DNM3: variants seen among roughly 807,000 people sequenced by gnomAD.
DNM3 encodes dynamin 3, also known as dynamin-3.
DNM3 carries 47 observed loss-of-function variants against 101.6 expected under a neutral mutation model. That is an observed-to-expected ratio of 0.46 (90% CI 0.37 to 0.59). DNM3 has a LOEUF of 0.59. Ranked by LOEUF, DNM3 falls within the 20% of genes least tolerant of loss-of-function variation. The pLI is 0.00. For missense variants in DNM3, 849 were observed against 1,085.7 expected (o/e 0.78, Z 3.06); for synonymous variants, 385 against 387.9 (o/e 0.99, Z 0.09).
At chr1:171,921,618 C>A in intron 1 of DNM3, 130 bp from the exon 2 acceptor site, 1 of 702,078 alleles carries the variant, frequency 1.4e-6, no homozygotes, top group Admixed American at 2.4e-5. Context: ...TAAGATGGGC[C>A]TATCATTGTT....
chr1:172,253,541 T>TCTCCA, intron 14 of DNM3, 32 bp from the exon 15 acceptor site: 1 of 1,085,322 alleles, frequency 9.2e-7, no homozygotes. Flanking sequence ...TCTCCTCTCC[T>TCTCCA]CTCCCTCTTT....
intron 1 of DNM3, among the ~76,000 whole-genome samples, chr1:171,895,245 T>A (rs1171686632): frequency 2.6e-5 from 4 of 152,220 alleles, no homozygotes; most frequent in African/African-American, 9.6e-5. Context: ...TAATGTACAC[T>A]CCCACCAACA....
chr1:172,271,571 T>C lies in DNM3; in HGVS notation c.1769+17889T>C, dbSNP rs570890963. Among the ~76,000 whole-genome samples the C allele has an allele frequency of 6.6e-5, 10 of 152,244 alleles. No individual in the cohort carries two copies. In the East Asian group the frequency reaches 1.9e-3, roughly 29 times the overall value. On this transcript the variant is annotated intron_variant, in intron 15 of 20. Coordinates refer to ENST00000627582, the MANE Select transcript of DNM3 (RefSeq NM_015569.5). ...TGATGAAAACCTGGCCTCACACAGA[T>C]GTGTAGAAAATGGAAGAGTATTTTA... is the stretch of plus-strand genomic sequence containing the variant.
At chr1:171,965,840 A>T (rs12072055) in intron 2 of DNM3, among the ~76,000 whole-genome samples, 1,758 of 152,250 alleles carry the variant, frequency 0.012, 35 homozygotes, top group African/African-American at 0.039. Flanking sequence ...CCTGGAGATT[A>T]GGGGGTAGGA....
intron 4 of DNM3, among the ~76,000 whole-genome samples, chr1:172,023,492 A>C (rs1458690858): frequency 6.6e-6 from 1 of 152,104 alleles, no homozygotes; most frequent in Admixed American, 6.5e-5. Flanking sequence ...ATTGTTTTTT[A>C]GTTTCCAGTT....
chr1:172,124,310 G>A (rs985295919), intron 13 of DNM3, among the ~76,000 whole-genome samples: 17 of 152,058 alleles, frequency 1.1e-4, no homozygotes, highest in African/African-American at 3.9e-4. Context: ...ACCGTCAAGG[G>A]GGAAAGCCAT....
chr1:171,906,989 A>G (rs1254660117), intron 1 of DNM3, among the ~76,000 whole-genome samples: 1 of 152,148 alleles, frequency 6.6e-6, no homozygotes, highest in Non-Finnish European at 1.5e-5. Context: ...TTCTCACCAC[A>G]TTTCATTCCA....
chr1:172,149,100 A>G (rs750449778), intron 14 of DNM3, among the ~76,000 whole-genome samples: 1 of 152,192 alleles, frequency 6.6e-6, no homozygotes, highest in Non-Finnish European at 1.5e-5. Flanking sequence ...TTTGCAAAAG[A>G]CAAAGATTGT....
chr1:172,106,844 A>ATTTTTTTTTTTT (rs1289662689), intron 13 of DNM3, among the ~76,000 whole-genome samples: 8 of 50,998 alleles, frequency 1.6e-4, no homozygotes, highest in African/African-American at 4.8e-4. Flanking sequence ...AGGTAACATT[A>ATTTTTTTTTTTT]TTCTTTTTTT....
At chr1:172,185,164 A>G (rs569584325) in intron 14 of DNM3, among the ~76,000 whole-genome samples, 1 of 152,202 alleles carries the variant, frequency 6.6e-6, no homozygotes, top group Admixed American at 6.5e-5. Context: ...CTAAGATGGA[A>G]TTGAGGGAAG....
At position 172,408,292 on chromosome 1, in the gene DNM3, T is replaced by C; in HGVS notation, c.*451T>C. On this transcript the variant is annotated 3_prime_UTR_variant, in exon 21 of 21. Coordinates refer to ENST00000627582, the MANE Select transcript of DNM3 (RefSeq NM_015569.5). ...TTCTGTTGTCTACCATTAATGCTAC[T>C]ACCTACTCCATAATTGCCTATTTAG... 2 of 988,134 alleles carry C rather than the reference T, an allele frequency of 2.0e-6. No homozygotes were observed. The highest frequency in any genetic ancestry group is 1.2e-6 in the Non-Finnish European group (1 of 831,542). 61.2% of individuals were successfully genotyped at this position (988,134 alleles called of 1,614,324 possible).
At chr1:171,890,827 C>A (rs946199528) in intron 1 of DNM3, among the ~76,000 whole-genome samples, 2 of 151,974 alleles carry the variant, frequency 1.3e-5, no homozygotes, top group Non-Finnish European at 2.9e-5. Flanking sequence ...AACAAAGAAC[C>A]AAACAAAAAC....
chr1:171,932,028 C>T (rs865851801), intron 2 of DNM3, among the ~76,000 whole-genome samples: 9 of 103,440 alleles, frequency 8.7e-5, no homozygotes, highest in African/African-American at 3.5e-4. Flanking sequence ...TCCTCCCTCC[C>T]TCCCTCTCCC....
intron 15 of DNM3, among the ~76,000 whole-genome samples, chr1:172,299,052 G>A (rs2064308637): frequency 6.6e-6 from 1 of 152,176 alleles, no homozygotes; most frequent in Non-Finnish European, 1.5e-5. Context: ...GATGCCTGAT[G>A]AAGTGATGAC....
intron 17 of DNM3, among the ~76,000 whole-genome samples, chr1:172,333,087 A>G (rs2066259104): frequency 6.6e-6 from 1 of 152,132 alleles, no homozygotes; most frequent in Non-Finnish European, 1.5e-5. Flanking sequence ...GAAGAACAGG[A>G]GAGTGTGTGT....
chr1:172,209,365 G>C (rs1051203778), intron 14 of DNM3, among the ~76,000 whole-genome samples: 2 of 151,942 alleles, frequency 1.3e-5, no homozygotes, highest in Non-Finnish European at 2.9e-5. Context: ...AATCCACCCA[G>C]TCTGTGGTGT....
intron 16 of DNM3, among the ~76,000 whole-genome samples, chr1:172,318,836 C>T (rs920378194): frequency 6.6e-6 from 1 of 152,120 alleles, no homozygotes; most frequent in African/African-American, 2.4e-5. Flanking sequence ...AGATTCAGTG[C>T]CATCCCCATC....
chr1:172,104,208 T>C (rs1473577585), intron 13 of DNM3, among the ~76,000 whole-genome samples: 1 of 152,230 alleles, frequency 6.6e-6, no homozygotes, highest in African/African-American at 2.4e-5. Context: ...ATCTCTTGAC[T>C]TTCAGTTTTT....
chr1:172,308,761 G>A lies in DNM3; in HGVS notation c.1803G>A (p.Leu601=), dbSNP rs899053165. Residue 601 remains leucine, a synonymous_variant, in exon 16 of 21, where the codon CTG becomes CTA. Coordinates refer to ENST00000627582, the MANE Select transcript of DNM3 (RefSeq NM_015569.5). ...ACAAAGACTATCGCTTCCTTGAGCT[G>A]GCATGTGATTCCCAGGAGGATGTCG... ...NVYKDYRFLE[L]ACDSQEDVDS... 1.2e-6 allele frequency: 2 copies of A among 1,607,188 alleles called. No individual in the cohort carries two copies. Among genetic ancestry groups the A allele is most frequent in the African/African-American group, 2.7e-5 (2 of 74,384 alleles).
Sources: allele counts gnomAD v4.1 joint callset (sites outside exome capture counted in the v4.1 genomes callset), GRCh38; gene constraint gnomAD v4.1.1; transcripts MANE v1.5; gene names NCBI Gene and HGNC (gene_info 2026-07-23, HGNC 2026-07-21).